Variants in FRMD4B observed in about 807,000 individuals in gnomAD.
FRMD4B encodes FERM domain containing 4B, also known as FERM domain-containing protein 4B.
In FRMD4B, 74 loss-of-function variants were observed where a neutral mutation model predicts 141.5. That is an observed-to-expected ratio of 0.52 (90% CI 0.43 to 0.63). FRMD4B has a LOEUF of 0.63. FRMD4B is among the 30% of genes least tolerant of loss of function. FRMD4B has a pLI of 0.00. For synonymous variants in FRMD4B, 506 were observed against 467.9 expected, an observed-to-expected ratio of 1.08 and a Z score of -1.05; for missense variants, 1,366 against 1,253.4, an observed-to-expected ratio of 1.09 and a Z score of -1.36.
intron 1 of FRMD4B, among the ~76,000 whole-genome samples, chr3:69,350,517 A>G (rs939107093): frequency 1.3e-5 from 2 of 152,204 alleles, no homozygotes; most frequent in African/African-American, 4.8e-5. Flanking sequence ...TTAAAGACAC[A>G]TGAACATGTA....
intron 1 of FRMD4B, among the ~76,000 whole-genome samples, chr3:69,448,634 C>G (rs1336148345): frequency 6.6e-6 from 1 of 152,106 alleles, no homozygotes; most frequent in Non-Finnish European, 1.5e-5. Context: ...TGTTGAGCAT[C>G]ATTTTCGGGG....
intron 18 of FRMD4B, among the ~76,000 whole-genome samples, chr3:69,188,351 G>A (rs776045568): frequency 3.3e-5 from 5 of 152,224 alleles, no homozygotes; most frequent in Admixed American, 6.5e-5. Context: ...TAAGGAAACT[G>A]ACTTATGCTG....
intron 1 of FRMD4B, among the ~76,000 whole-genome samples, chr3:69,535,345 G>A (rs956490866): frequency 3.3e-5 from 5 of 152,220 alleles, no homozygotes; most frequent in Non-Finnish European, 7.3e-5. Context: ...GTACAGTGAG[G>A]GGTGTTAGGA....
At chr3:69,400,225 CAAA>C (rs201312818) in intron 2 of FRMD4B, among the ~76,000 whole-genome samples, 2 of 141,124 alleles carry the variant, frequency 1.4e-5, no homozygotes, top group African/African-American at 5.2e-5. Flanking sequence ...GTCTTCACCC[CAAA>C]AAAAAAAAAT....
chr3:69,481,970 G>C (rs149143501), intron 1 of FRMD4B, among the ~76,000 whole-genome samples: 12 of 152,200 alleles, frequency 7.9e-5, no homozygotes, highest in Non-Finnish European at 1.0e-4. Context: ...ATGTGGACTA[G>C]ATCCTTTTTT....
chr3:69,346,690 G>T lies in FRMD4B; in HGVS notation c.163-33173C>A, dbSNP rs575264998. Among the ~76,000 whole-genome samples the T allele has an allele frequency of 1.6e-3, 238 of 152,270 alleles. 1 individual carries two copies. Among genetic ancestry groups the T allele is most frequent in the African/African-American group, 5.6e-3 (231 of 41,548 alleles). ...GGGGCCAATATTCAACATTCTTAAAGAAAAGAATTTCCAACCCAGAATTTC... is the reference window on the plus strand; with the variant it reads ...GGGGCCAATATTCAACATTCTTAAATAAAAGAATTTCCAACCCAGAATTTC... On this transcript the variant is annotated intron_variant, in intron 1 of 22. Coordinates refer to ENST00000398540, the MANE Select transcript of FRMD4B (RefSeq NM_015123.3).
rs188826033 is a variant in FRMD4B, at chr3:69,189,464, G to A, written c.1771+432C>T. 2.0e-4 allele frequency among the ~76,000 whole-genome samples: 30 copies of A among 152,112 alleles called. No individual in the cohort carries two copies. In the East Asian group the frequency reaches 5.6e-3, roughly 28 times the overall value. ...ATATTGTGATGAATACAGTGATAAC[G>A]TGTACAATCTAATATCCTGGTTTTG... On this transcript the variant is annotated intron_variant, in intron 18 of 22. Coordinates refer to ENST00000398540, the MANE Select transcript of FRMD4B (RefSeq NM_015123.3).
chr3:69,265,506 T>G (rs1486384189), intron 5 of FRMD4B, among the ~76,000 whole-genome samples: 1 of 135,024 alleles, frequency 7.4e-6, no homozygotes, highest in Admixed American at 8.1e-5. Context: ...TGGAGTGCAG[T>G]GGCGCGATCT....
intron 2 of FRMD4B, among the ~76,000 whole-genome samples, chr3:69,394,454 C>T (rs1039878152): frequency 4.6e-5 from 7 of 152,188 alleles, no homozygotes; most frequent in Admixed American, 4.6e-4. Context: ...GACAAAAAGT[C>T]CACCCTTTGG....
chr3:69,280,095 C>T (rs894673356), intron 5 of FRMD4B, among the ~76,000 whole-genome samples: 1 of 152,100 alleles, frequency 6.6e-6, no homozygotes, highest in African/African-American at 2.4e-5. Flanking sequence ...GGCAAGCCTA[C>T]AGTCCTGCTT....
chr3:69,344,451 C>A (rs1376454260), intron 1 of FRMD4B, among the ~76,000 whole-genome samples: 2 of 152,174 alleles, frequency 1.3e-5, no homozygotes, highest in Non-Finnish European at 2.9e-5. Context: ...AGGGAAGTAA[C>A]TACAAATAAT....
chr3:69,390,521 T>C (rs1390305710), upstream of FRMD4B, among the ~76,000 whole-genome samples: 1 of 152,150 alleles, frequency 6.6e-6, no homozygotes, highest in African/African-American at 2.4e-5. Flanking sequence ...TATAATGCAC[T>C]GGAGAGCCCC....
chr3:69,498,381 A>G (rs1706436817), intron 1 of FRMD4B, among the ~76,000 whole-genome samples: 1 of 152,218 alleles, frequency 6.6e-6, no homozygotes, highest in South Asian at 2.1e-4. Flanking sequence ...CTCCTGAATA[A>G]CAAAGAGTAT....
chr3:69,339,138 G>A (rs192610838), intron 1 of FRMD4B, among the ~76,000 whole-genome samples: 1 of 152,180 alleles, frequency 6.6e-6, no homozygotes, highest in African/African-American at 2.4e-5. Context: ...GAAGGTCCAT[G>A]GTGTTCTACT....
intron 1 of FRMD4B, among the ~76,000 whole-genome samples, chr3:69,319,149 T>C: frequency 6.6e-6 from 1 of 152,218 alleles, no homozygotes; most frequent in Middle Eastern, 3.2e-3. Context: ...CACCAGGAAA[T>C]TAAGGCCTGA....
chr3:69,176,633 T>G lies in FRMD4B; in HGVS notation c.2875A>C (p.Asn959His). ...SSVSSTNASGNWRTQLTIGLS... is the reference protein window; with the variant it reads ...SSVSSTNASGHWRTQLTIGLS... ...CCTATGGTTAACTGGGTCCTCCAGT[T>G]CCCAGAAGCATTTGTAGAAGACACT... Residue 959 changes from asparagine to histidine, a missense_variant, in exon 22 of 23, where the codon AAC (asparagine) becomes CAC (histidine). Coordinates refer to ENST00000398540, the MANE Select transcript of FRMD4B (RefSeq NM_015123.3). 6.2e-7 allele frequency: 1 copy of G among 1,604,644 alleles called. No individual in the cohort carries two copies.
At chr3:69,492,221 T>A (rs188037271) in intron 1 of FRMD4B, among the ~76,000 whole-genome samples, 1 of 152,176 alleles carries the variant, frequency 6.6e-6, no homozygotes, top group Non-Finnish European at 1.5e-5. Context: ...AATCCTGATT[T>A]TGGCACTTCT....
At chr3:69,388,740 G>T (rs1228902650), upstream of FRMD4B, among the ~76,000 whole-genome samples, 3 of 152,152 alleles carry the variant, frequency 2.0e-5, no homozygotes, top group East Asian at 5.8e-4. Context: ...ACGGTGTCTG[G>T]TGAAGGGTAA....
intron 1 of FRMD4B, among the ~76,000 whole-genome samples, chr3:69,490,401 A>G (rs576764811): frequency 2.0e-5 from 3 of 152,264 alleles, no homozygotes; most frequent in African/African-American, 4.8e-5. Flanking sequence ...TTTCTACCAC[A>G]AACTTGCTTC....
Sources: gnomAD v4.1 joint callset for allele counts (sites outside exome capture counted in the v4.1 genomes callset) on GRCh38, gnomAD v4.1.1 for gene constraint, MANE v1.5 for transcripts, NCBI Gene and HGNC (gene_info 2026-07-23, HGNC 2026-07-21) for gene names.